The following NLGN1 variants were observed in gnomAD, a reference collection of about 807,000 sequenced individuals.
NLGN1 encodes the protein neuroligin 1, also known as neuroligin-1.
In NLGN1, 12 loss-of-function variants were observed where a neutral mutation model predicts 65.5. The ratio of observed to expected loss-of-function variants is 0.18; its 90% CI spans 0.12 to 0.30. The LOEUF (loss-of-function observed/expected upper bound fraction) is 0.30. Ranked by LOEUF, NLGN1 falls within the 10% of genes least tolerant of loss-of-function variation. NLGN1 has a pLI of 1.00. For missense variants in NLGN1, 750 were observed against 1,007.1 expected (o/e 0.74, Z 3.46); for synonymous variants, 350 against 359.5 (o/e 0.97, Z 0.30).
chr3:173,953,690 G>A (rs1748658753), intron 4 of NLGN1, among the ~76,000 whole-genome samples: 2 of 152,080 alleles, frequency 1.3e-5, no homozygotes, highest in South Asian at 2.1e-4. Flanking sequence ...AAGTAGCTGG[G>A]ACTACAGGCA....
chr3:174,036,991 C>A (rs1043459597), intron 4 of NLGN1, among the ~76,000 whole-genome samples: 1 of 152,136 alleles, frequency 6.6e-6, no homozygotes, highest in African/African-American at 2.4e-5. Flanking sequence ...TTTTCTTCAT[C>A]CAGTCTACCG....
intron 4 of NLGN1, among the ~76,000 whole-genome samples, chr3:173,881,600 G>C (rs1284425695): frequency 6.6e-6 from 1 of 151,126 alleles, no homozygotes; most frequent in Non-Finnish European, 1.5e-5. Context: ...AATTTTTTGT[G>C]TGTTTTTAGT....
intron 4 of NLGN1, among the ~76,000 whole-genome samples, chr3:174,070,967 A>G (rs578166522): frequency 2.6e-5 from 4 of 152,138 alleles, no homozygotes; most frequent in African/African-American, 9.7e-5. Context: ...ATGTGGAAGG[A>G]TCACTTGAGC....
At chr3:173,742,212 T>A (rs181142635) in intron 3 of NLGN1, among the ~76,000 whole-genome samples, 55 of 152,236 alleles carry the variant, frequency 3.6e-4, no homozygotes, top group Non-Finnish European at 1.2e-4. Context: ...GCAGTTTTAT[T>A]TTGAAACTAA....
intron 2 of NLGN1, among the ~76,000 whole-genome samples, chr3:173,511,445 C>A (rs1732955587): frequency 6.6e-6 from 1 of 152,092 alleles, no homozygotes; most frequent in African/African-American, 2.4e-5. Flanking sequence ...CACGTTCTGT[C>A]GATTTAGACA....
At chr3:174,029,466 C>T (rs1238309891) in intron 4 of NLGN1, among the ~76,000 whole-genome samples, 1 of 152,144 alleles carries the variant, frequency 6.6e-6, no homozygotes, top group Non-Finnish European at 1.5e-5. Flanking sequence ...TGCCTGTACC[C>T]CCATTGCATC....
chr3:173,694,215 T>G (rs1765872840), intron 3 of NLGN1, among the ~76,000 whole-genome samples: 1 of 152,096 alleles, frequency 6.6e-6, no homozygotes, highest in Non-Finnish European at 1.5e-5. Context: ...ATAAGGTCAA[T>G]TTTGAATTAT....
At chr3:173,968,162 T>G (rs1715300159) in intron 4 of NLGN1, among the ~76,000 whole-genome samples, 1 of 152,068 alleles carries the variant, frequency 6.6e-6, no homozygotes, top group Admixed American at 6.6e-5. Context: ...CATCGTGGGG[T>G]TTTTCAATTG....
At chr3:173,767,741 A>T (rs1371467790) in intron 3 of NLGN1, among the ~76,000 whole-genome samples, 1 of 152,004 alleles carries the variant, frequency 6.6e-6, no homozygotes, top group Non-Finnish European at 1.5e-5. Flanking sequence ...TAAAACACAC[A>T]TTTATTTTTA....
At chr3:173,726,658 G>A (rs1771836932) in intron 3 of NLGN1, among the ~76,000 whole-genome samples, 1 of 151,992 alleles carries the variant, frequency 6.6e-6, no homozygotes. Flanking sequence ...ATTTATTGAA[G>A]GAATAACACA....
At chr3:174,015,368 C>A (rs986280859) in intron 4 of NLGN1, among the ~76,000 whole-genome samples, 2 of 152,156 alleles carry the variant, frequency 1.3e-5, no homozygotes, top group Non-Finnish European at 2.9e-5. Flanking sequence ...GGTGAGGCCT[C>A]TCTTTCCGGC....
intron 2 of NLGN1, among the ~76,000 whole-genome samples, chr3:173,462,038 A>G (rs2148891790): frequency 6.6e-6 from 1 of 152,318 alleles, no homozygotes; most frequent in Admixed American, 6.5e-5. Flanking sequence ...CAGACTGATA[A>G]AACATCAAAA....
intron 3 of NLGN1, among the ~76,000 whole-genome samples, chr3:173,671,215 C>T (rs1215387692): frequency 6.6e-6 from 1 of 152,084 alleles, no homozygotes; most frequent in Non-Finnish European, 1.5e-5. Flanking sequence ...GAATTGAATC[C>T]CTTGCCCAGG....
intron 3 of NLGN1, among the ~76,000 whole-genome samples, chr3:173,783,695 A>G (rs549596300): frequency 8.5e-5 from 13 of 152,286 alleles, no homozygotes; most frequent in African/African-American, 9.6e-5. Flanking sequence ...GCTCACGGCA[A>G]TCTCTGCCTC....
intron 1 of NLGN1, among the ~76,000 whole-genome samples, chr3:173,410,427 G>A (rs1341999501): frequency 1.3e-5 from 2 of 152,182 alleles, no homozygotes; most frequent in East Asian, 1.9e-4. Flanking sequence ...TGAGTCAAAC[G>A]CTACCTCAAT....
intron 3 of NLGN1, among the ~76,000 whole-genome samples, chr3:173,656,374 T>G (rs1296272760): frequency 6.6e-6 from 1 of 152,146 alleles, no homozygotes; most frequent in African/African-American, 2.4e-5. Flanking sequence ...AAGCATCCAT[T>G]GGGTGGTTCC....
intron 4 of NLGN1, among the ~76,000 whole-genome samples, chr3:174,246,272 C>T (rs1304432565): frequency 6.6e-6 from 1 of 152,150 alleles, no homozygotes; most frequent in Non-Finnish European, 1.5e-5. Flanking sequence ...ATTAATTTTT[C>T]AGTATATTGG....
intron 1 of NLGN1, among the ~76,000 whole-genome samples, chr3:173,407,360 A>G (rs1264113096): frequency 6.6e-6 from 1 of 152,226 alleles, no homozygotes; most frequent in East Asian, 1.9e-4. Flanking sequence ...TACATGTGAC[A>G]AAACTGAAGT....
chr3:174,245,227 A>G (rs1743579606), intron 4 of NLGN1, among the ~76,000 whole-genome samples: 1 of 152,078 alleles, frequency 6.6e-6, no homozygotes, highest in Non-Finnish European at 1.5e-5. Context: ...ATTTTTTTTA[A>G]AAGTGGCATT....
Sources: gnomAD v4.1 joint callset for allele counts (sites outside exome capture counted in the v4.1 genomes callset) on GRCh38, gnomAD v4.1.1 for gene constraint, MANE v1.5 for transcripts, NCBI Gene and HGNC (gene_info 2026-07-23, HGNC 2026-07-21) for gene names.